Variants in NFIB observed in about 807,000 individuals in gnomAD.
NFIB encodes the protein nuclear factor 1 B-type.
In NFIB, 11 loss-of-function variants were observed where a neutral mutation model predicts 61.5. The ratio of observed to expected loss-of-function variants is 0.18; its 90% CI spans 0.11 to 0.30. The LOEUF (loss-of-function observed/expected upper bound fraction) is 0.30, where lower values mean the gene tolerates loss of function less well. Ranked by LOEUF, NFIB falls within the 10% of genes least tolerant of loss-of-function variation. The probability of loss-of-function intolerance (pLI) is 1.00; values close to 1 mark genes in which losing one functional copy is unlikely to be tolerated. For synonymous variants in NFIB, 260 were observed against 216.5 expected, an observed-to-expected ratio of 1.20 and a Z score of -1.76; for missense variants, 471 against 608.9, an observed-to-expected ratio of 0.77 and a Z score of 2.38.
In NFIB at chr9:14,109,077, T is replaced by C. The variant is rs375462040; in HGVS notation, c.1467+3922A>G. Among the ~76,000 whole-genome samples the C allele has an allele frequency of 4.6e-5, 7 of 152,196 alleles. No individual in the cohort carries two copies. The East Asian group carries it at 5.8e-4, about 13-fold the overall frequency. ...CTCTTGTATTAATACTACCAAACTT[T>C]CTATGATAGCAAAGGAAAGAGGCCT... On this transcript the variant is annotated intron_variant, in intron 10 of 10. Coordinates refer to ENST00000380953, the MANE Select transcript of NFIB (RefSeq NM_001190737.2).
chr9:14,417,778 T>TG, the NFIB span, among the ~76,000 whole-genome samples: 2 of 139,958 alleles, frequency 1.4e-5, no homozygotes, highest in Non-Finnish European at 3.1e-5. Flanking sequence ...GGAACAGTTT[T>TG]TTTTTTTTTT....
At chr9:14,163,185 T>G (rs1300136333) in intron 3 of NFIB, among the ~76,000 whole-genome samples, 1 of 151,452 alleles carries the variant, frequency 6.6e-6, no homozygotes, top group Non-Finnish European at 1.5e-5. Flanking sequence ...ATTTCCAAAT[T>G]AGCAAAGAGA....
intron 1 of NFIB, among the ~76,000 whole-genome samples, chr9:14,390,503 C>T (rs1588412471): frequency 6.8e-6 from 1 of 146,846 alleles, no homozygotes; most frequent in East Asian, 1.9e-4. Flanking sequence ...TAAAAGAGCT[C>T]TCAACAGACA....
At chr9:14,294,035 C>T (rs1447901047) in intron 2 of NFIB, among the ~76,000 whole-genome samples, 1 of 152,110 alleles carries the variant, frequency 6.6e-6, no homozygotes, top group African/African-American at 2.4e-5. Flanking sequence ...ATATGTTTCT[C>T]CATGCACATG....
rs554195246 is a variant in NFIB at position 14,335,708 on chromosome 9, G to C, written c.109-28188C>G. On this transcript the variant is annotated intron_variant, in intron 1 of 8. Coordinates refer to the NFIB transcript ENST00000380934. The stretch of plus-strand genomic sequence containing the variant: ...AAAGTTCGATGAAGTCAAAATTGTG[G>C]ATTGAGCTTTTGGCTTCATATCTAA... 7.6e-4 allele frequency among the ~76,000 whole-genome samples: 116 copies of C among 152,266 alleles called. No homozygotes were observed. In the Middle Eastern group the frequency reaches 0.014, roughly 18 times the overall value.
intron 1 of NFIB, among the ~76,000 whole-genome samples, chr9:14,336,979 T>C (rs188791350): frequency 1.3e-5 from 2 of 152,332 alleles, no homozygotes; most frequent in African/African-American, 4.8e-5. Context: ...ACTTTATATA[T>C]GGATACTGAA....
At chr9:14,459,748 C>G in the NFIB span, among the ~76,000 whole-genome samples, 1 of 151,214 alleles carries the variant, frequency 6.6e-6, no homozygotes, top group Non-Finnish European at 1.5e-5. Context: ...ATTTATGCAG[C>G]CAAAAGACAC....
chr9:14,298,162 T>A (rs1042265086), intron 2 of NFIB, among the ~76,000 whole-genome samples: 3 of 152,140 alleles, frequency 2.0e-5, no homozygotes, highest in African/African-American at 4.8e-5. Context: ...TATATAAAGT[T>A]ACAACATTAA....
the NFIB span, among the ~76,000 whole-genome samples, chr9:14,439,827 G>C: frequency 1.3e-5 from 2 of 152,208 alleles, no homozygotes; most frequent in Non-Finnish European, 2.9e-5. Flanking sequence ...ACGGTGTAAG[G>C]GTTGAAAACA....
At chr9:14,220,438 A>C (rs1163139294) in intron 2 of NFIB, among the ~76,000 whole-genome samples, 1 of 152,110 alleles carries the variant, frequency 6.6e-6, no homozygotes, top group Non-Finnish European at 1.5e-5. Context: ...GCATTCTCCA[A>C]ATATTATTGA....
intron 2 of NFIB, among the ~76,000 whole-genome samples, chr9:14,255,906 T>G (rs921433997): frequency 1.3e-5 from 2 of 152,214 alleles, no homozygotes; most frequent in Non-Finnish European, 2.9e-5. Context: ...ATAGTATTAC[T>G]GAAGCGCAAA....
rs781101561 is a variant in NFIB at position 14,266,337 on chromosome 9, TC to T, written c.562+40651del. 1.0e-3 allele frequency among the ~76,000 whole-genome samples: 152 copies of T among 152,114 alleles called. 6 individuals are homozygous for T. The highest frequency in any genetic ancestry group is 5.3e-4 in the Non-Finnish European group (36 of 68,020). On this transcript the variant is annotated intron_variant, in intron 2 of 10. Transcript: ENST00000380953. ...CAATTGTGGTGACTCGCACCTGTAA[TC>T]CCAGCACTTTCAGAGGCTAAGGCAA...
the NFIB span, among the ~76,000 whole-genome samples, chr9:14,415,047 T>C: frequency 1.3e-5 from 2 of 152,222 alleles, no homozygotes; most frequent in African/African-American, 2.4e-5. Context: ...GCTGGGTCTT[T>C]AGCTCAGGAT....
intron 2 of NFIB, among the ~76,000 whole-genome samples, chr9:14,264,713 T>C (rs561376598): frequency 6.6e-6 from 1 of 151,844 alleles, no homozygotes; most frequent in South Asian, 2.1e-4. Context: ...TTCTAGAATG[T>C]AGAGGAGAAA....
At chr9:14,516,556 C>G in the NFIB span, among the ~76,000 whole-genome samples, 1 of 152,200 alleles carries the variant, frequency 6.6e-6, no homozygotes, top group African/African-American at 2.4e-5. Flanking sequence ...GGGAAATTAT[C>G]TGTTCCACAC....
chr9:14,167,820 G>C (rs1363588369), intron 3 of NFIB, among the ~76,000 whole-genome samples: 2 of 152,150 alleles, frequency 1.3e-5, no homozygotes, highest in East Asian at 1.9e-4. Flanking sequence ...TCATGGTCAA[G>C]TGAACTCTAA....
intron 2 of NFIB, among the ~76,000 whole-genome samples, chr9:14,189,230 G>A (rs1042172286): frequency 6.6e-6 from 1 of 152,094 alleles, no homozygotes; most frequent in Non-Finnish European, 1.5e-5. Context: ...AATATATCTA[G>A]GTTAAAATCA....
rs190348260 is a variant in NFIB, at chr9:14,122,310, G to C, written c.1061-1686C>G. Among the ~76,000 whole-genome samples the C allele has an allele frequency of 5.9e-3, 904 of 152,212 alleles. 8 individuals are homozygous for C. The highest frequency in any genetic ancestry group is 0.021 in the African/African-American group (852 of 41,554). ...AATTCAATTTTATAGTCACGACTTT[G>C]TTCTCTGAACGTCCAGAGCACTGTT... On this transcript the variant is annotated intron_variant, in intron 7 of 10. Transcript: ENST00000380953.
At chr9:14,461,836 G>C in the NFIB span, among the ~76,000 whole-genome samples, 265 of 152,300 alleles carry the variant, frequency 1.7e-3, 1 homozygote, top group African/African-American at 6.1e-3. Context: ...AGGATCACTG[G>C]AGCAGGTAAA....
Sources: allele counts gnomAD v4.1 joint callset (sites outside exome capture counted in the v4.1 genomes callset), GRCh38; gene constraint gnomAD v4.1.1; transcripts MANE v1.5; gene names NCBI Gene and HGNC (gene_info 2026-07-23, HGNC 2026-07-21).